KLF12: variants seen among roughly 807,000 people sequenced by gnomAD.
KLF12 encodes the protein KLF transcription factor 12.
KLF12 carries 9 observed loss-of-function variants against 37.8 expected under a neutral mutation model. The observed-to-expected ratio is 0.24, with a 90% confidence interval of 0.14 to 0.42. The LOEUF is 0.42. KLF12 is among the 10% of genes least tolerant of loss of function. The pLI is 1.00. For missense variants in KLF12, 411 were observed against 516.0 expected, an observed-to-expected ratio of 0.80 and a Z score of 1.97; for synonymous variants, 208 against 202.1, an observed-to-expected ratio of 1.03 and a Z score of -0.25.
At chr13:73,700,687 AAG>A (rs1874488557) in intron 7 of KLF12, among the ~76,000 whole-genome samples, 1 of 152,118 alleles carries the variant, frequency 6.6e-6, no homozygotes, top group African/African-American at 2.4e-5. Flanking sequence ...CAGAGAGCTC[AAG>A]AGAGACCTGT....
the KLF12 span, among the ~76,000 whole-genome samples, chr13:74,239,317 A>C: frequency 6.7e-6 from 1 of 149,344 alleles, no homozygotes; most frequent in Non-Finnish European, 1.5e-5. Flanking sequence ...AGTTTGTTAT[A>C]ATTTCTGTTC....
the KLF12 span, among the ~76,000 whole-genome samples, chr13:74,146,580 T>C: frequency 2.0e-5 from 3 of 152,314 alleles, no homozygotes; most frequent in African/African-American, 2.4e-5. Flanking sequence ...TGTTTTCTTT[T>C]AAAAAACAGT....
chr13:74,010,513 A>G lies in KLF12; in HGVS notation c.-31-15460T>C, dbSNP rs569060262. On this transcript the variant is annotated intron_variant, in intron 1 of 7. Transcript: ENST00000377669. ...GTTATGGCCTAGCCATAATTTCTCTAAAATCCAGTTTTTTCACATCCACAA... is the reference window on the plus strand; with the variant it reads ...GTTATGGCCTAGCCATAATTTCTCTGAAATCCAGTTTTTTCACATCCACAA... Among the ~76,000 whole-genome samples the G allele has an allele frequency of 1.4e-4, 22 of 152,328 alleles. No individual in the cohort carries two copies. The South Asian group carries it at 4.6e-3, about 32-fold the overall frequency.
At chr13:74,264,109 G>C in the KLF12 span, among the ~76,000 whole-genome samples, 1 of 152,146 alleles carries the variant, frequency 6.6e-6, no homozygotes, top group Non-Finnish European at 1.5e-5. Flanking sequence ...GGTAAGCAAT[G>C]ACAAAACGGT....
At chr13:74,167,765 A>G in the KLF12 span, among the ~76,000 whole-genome samples, 1 of 152,204 alleles carries the variant, frequency 6.6e-6, no homozygotes, top group African/African-American at 2.4e-5. Context: ...TACATCGTAA[A>G]ATCATAACAG....
the KLF12 span, among the ~76,000 whole-genome samples, chr13:74,175,413 T>C: frequency 6.6e-6 from 1 of 152,198 alleles, no homozygotes; most frequent in Non-Finnish European, 1.5e-5. Flanking sequence ...AATAGAGAGG[T>C]AAAACTTACA....
At chr13:73,757,200 T>A (rs950523908) in intron 6 of KLF12, among the ~76,000 whole-genome samples, 2 of 152,150 alleles carry the variant, frequency 1.3e-5, no homozygotes, top group Non-Finnish European at 2.9e-5. Flanking sequence ...TAGACAGAGA[T>A]AACAGCCACA....
chr13:73,784,666 T>C (rs1040494206), intron 5 of KLF12, among the ~76,000 whole-genome samples: 1 of 150,078 alleles, frequency 6.7e-6, no homozygotes, highest in African/African-American at 2.5e-5. Context: ...AGTCTCGCTC[T>C]GTTGCCCAGG....
intron 6 of KLF12, among the ~76,000 whole-genome samples, chr13:73,732,105 G>T: frequency 6.7e-6 from 1 of 148,422 alleles, no homozygotes; most frequent in Admixed American, 6.7e-5. Flanking sequence ...TTTTTTGAGA[G>T]GGAGTTTTGC....
chr13:73,846,702 T>C (rs1224573026), intron 3 of KLF12, among the ~76,000 whole-genome samples: 1 of 152,144 alleles, frequency 6.6e-6, no homozygotes, highest in Non-Finnish European at 1.5e-5. Flanking sequence ...TACTCAACAC[T>C]ATCACAATAC....
At chr13:74,288,214 A>G in the KLF12 span, among the ~76,000 whole-genome samples, 2 of 152,222 alleles carry the variant, frequency 1.3e-5, no homozygotes, top group African/African-American at 2.4e-5. Context: ...CAGACAAACT[A>G]AAGAGGTAAG....
At chr13:73,767,551 A>G (rs1879998952) in intron 5 of KLF12, among the ~76,000 whole-genome samples, 1 of 152,206 alleles carries the variant, frequency 6.6e-6, no homozygotes, top group South Asian at 2.1e-4. Context: ...CTCTTCTGAG[A>G]CTGACAGTTT....
the KLF12 span, among the ~76,000 whole-genome samples, chr13:74,288,199 GCAAA>G: frequency 2.0e-5 from 3 of 152,132 alleles, no homozygotes; most frequent in Non-Finnish European, 2.9e-5. Flanking sequence ...CGCAAAAGAA[GCAAA>G]CAGACAAACT....
intron 2 of KLF12, among the ~76,000 whole-genome samples, chr13:73,969,323 G>T (rs1891262647): frequency 6.6e-6 from 1 of 152,200 alleles, no homozygotes; most frequent in South Asian, 2.1e-4. Flanking sequence ...CCATGGGGCT[G>T]GGTGTTATCT....
chr13:74,303,182 TA>T, the KLF12 span, among the ~76,000 whole-genome samples: 3 of 152,164 alleles, frequency 2.0e-5, no homozygotes, highest in African/African-American at 7.2e-5. Flanking sequence ...AGACTTGATT[TA>T]AGGAGAACTG....
chr13:74,178,833 C>T, the KLF12 span, among the ~76,000 whole-genome samples: 2 of 152,102 alleles, frequency 1.3e-5, no homozygotes, highest in Non-Finnish European at 2.9e-5. Context: ...TCTTGCAATA[C>T]CTTCTTTCAC....
chr13:74,092,153 TG>T (rs1205602856), intron 1 of KLF12, among the ~76,000 whole-genome samples: 1 of 150,540 alleles, frequency 6.6e-6, no homozygotes, highest in African/African-American at 2.4e-5. Flanking sequence ...AAAAATTAGC[TG>T]GGTGTGGTGG....
chr13:74,298,705 G>C, the KLF12 span, among the ~76,000 whole-genome samples: 1 of 152,116 alleles, frequency 6.6e-6, no homozygotes, highest in African/African-American at 2.4e-5. Flanking sequence ...TATAAAAAGA[G>C]TTTTATGCCT....
At chr13:73,791,938 T>G (rs1392737220) in intron 5 of KLF12, among the ~76,000 whole-genome samples, 1 of 152,224 alleles carries the variant, frequency 6.6e-6, no homozygotes, top group Non-Finnish European at 1.5e-5. Flanking sequence ...GTTGGCAGAA[T>G]GTACTAAACA....
Sources: allele counts gnomAD v4.1 joint callset (sites outside exome capture counted in the v4.1 genomes callset), GRCh38; gene constraint gnomAD v4.1.1; transcripts MANE v1.5; gene names NCBI Gene and HGNC (gene_info 2026-07-23, HGNC 2026-07-21).